Variants in BAZ2B observed in about 807,000 individuals in gnomAD.
BAZ2B encodes bromodomain adjacent to zinc finger domain 2B.
In BAZ2B, 91 loss-of-function variants were observed where a neutral mutation model predicts 246.0. The ratio of observed to expected loss-of-function variants is 0.37; its 90% confidence interval spans 0.31 to 0.44. The LOEUF is 0.44. BAZ2B is among the 20% of genes least tolerant of loss of function. The pLI is 1.00. For synonymous variants in BAZ2B, 855 were observed against 860.0 expected (o/e 0.99, Z 0.10); for missense variants, 2,332 against 2,533.7 (o/e 0.92, Z 1.71).
At chr2:159,541,259 CTTA>C (rs56310950) in intron 2 of BAZ2B, among the ~76,000 whole-genome samples, 22,444 of 148,144 alleles carry the variant, frequency 0.15, 1,905 homozygotes, top group African/African-American at 0.23. Flanking sequence ...AACAAAAGCC[CTTA>C]TTATTATTAT....
downstream of BAZ2B, among the ~76,000 whole-genome samples, chr2:159,318,391 A>G (rs2062330348): frequency 6.6e-6 from 1 of 152,362 alleles, no homozygotes; most frequent in East Asian, 1.9e-4. Context: ...CAATCTAGAG[A>G]TACTGAAAAT....
intron 3 of BAZ2B, among the ~76,000 whole-genome samples, chr2:159,477,106 C>T (rs150910808): frequency 5.3e-5 from 8 of 152,172 alleles, no homozygotes; most frequent in African/African-American, 1.9e-4. Flanking sequence ...GACATCAAGA[C>T]CATCCTGGCT....
Position 159,370,372 on chromosome 2 carries a change from T to C in BAZ2B, c.4213+2673A>G, listed in dbSNP as rs983600962. Among the ~76,000 whole-genome samples the C allele has an allele frequency of 1.7e-4, 24 of 138,198 alleles. No individual in the cohort carries two copies. The Admixed American group carries it at 1.8e-3, about 11-fold the overall frequency. The allele number at this position is 138,198 out of a possible 152,430, so 90.7% of individuals were successfully genotyped here. A position where few individuals can be genotyped will look rare whatever the true frequency, so the allele number is the denominator to read the frequency against. On this transcript the variant is annotated intron_variant, in intron 27 of 36. Coordinates refer to ENST00000392783, the MANE Select transcript of BAZ2B (RefSeq NM_013450.4). The stretch of plus-strand genomic sequence containing the variant: ...CTGCTCTTAAGTCTCCTAGGCACTG[T>C]ACTACCTTTTTTTTTTTTTTTTTTT...
At chr2:159,447,462 T>C (rs78707834) in intron 5 of BAZ2B, among the ~76,000 whole-genome samples, 2 of 152,154 alleles carry the variant, frequency 1.3e-5, no homozygotes, top group South Asian at 4.1e-4. Flanking sequence ...AAAAGAAAGA[T>C]AGTAAATCAT....
chr2:159,468,615 T>C (rs2077376402), intron 3 of BAZ2B, among the ~76,000 whole-genome samples: 2 of 152,190 alleles, frequency 1.3e-5, no homozygotes, highest in Non-Finnish European at 2.9e-5. Flanking sequence ...ATGTTTTTAC[T>C]GGAATGGTAA....
intron 2 of BAZ2B, among the ~76,000 whole-genome samples, chr2:159,506,132 G>A (rs1388001688): frequency 6.6e-6 from 1 of 152,084 alleles, no homozygotes; most frequent in Non-Finnish European, 1.5e-5. Context: ...ACTAGAGTAG[G>A]CATATGGAAA....
intron 25 of BAZ2B, among the ~76,000 whole-genome samples, chr2:159,375,412 A>G (rs2061319006): frequency 6.6e-6 from 1 of 152,240 alleles, no homozygotes; most frequent in African/African-American, 2.4e-5. Flanking sequence ...TGCATCCAGC[A>G]GAGAAAAGAG....
At chr2:159,545,615 G>A (rs2087224842) in intron 2 of BAZ2B, among the ~76,000 whole-genome samples, 2 of 152,088 alleles carry the variant, frequency 1.3e-5, no homozygotes, top group Non-Finnish European at 2.9e-5. Flanking sequence ...GCAAAGCCAA[G>A]TTTGTTGCAT....
At position 159,433,128 on chromosome 2, in the gene BAZ2B, G is replaced by A. The variant is rs765497601; in HGVS notation, c.1529C>T (p.Thr510Ile). The A allele has an allele frequency of 6.2e-7, 1 of 1,614,194 alleles. No homozygotes were observed. The highest frequency in any genetic ancestry group is 8.5e-7 in the Non-Finnish European group (1 of 1,180,020). Residue 510 changes from threonine (T) to isoleucine (I), a missense_variant, in exon 9 of 37, where the codon ACT becomes ATT. Coordinates refer to ENST00000392783, the MANE Select transcript of BAZ2B (RefSeq NM_013450.4). ...CTTGCTCTGCATTTTAGTTTTGGTA[G>A]TAAGTGCTAGAGGAGCTTCTTGAAT... The part of the protein sequence containing the change: ...SVIQEAPLAL[T>I]TKTKMQSKIN...
At chr2:159,346,421 C>A (rs1196972270) in intron 31 of BAZ2B, among the ~76,000 whole-genome samples, 5 of 152,150 alleles carry the variant, frequency 3.3e-5, no homozygotes, top group African/African-American at 1.2e-4. Flanking sequence ...TTAGCAGATT[C>A]TAGCCAGGCA....
chr2:159,698,382 A>C, the BAZ2B span, among the ~76,000 whole-genome samples: 1 of 151,948 alleles, frequency 6.6e-6, no homozygotes, highest in East Asian at 1.9e-4. Context: ...TTAGCTGGGC[A>C]TGGTAGCGTG....
intron 3 of BAZ2B, among the ~76,000 whole-genome samples, chr2:159,477,109 T>C (rs1211340207): frequency 6.6e-6 from 1 of 152,030 alleles, no homozygotes. Flanking sequence ...ATCAAGACCA[T>C]CCTGGCTAAC....
intron 3 of BAZ2B, among the ~76,000 whole-genome samples, chr2:159,467,711 C>T (rs1301527732): frequency 6.6e-6 from 1 of 151,468 alleles, no homozygotes; most frequent in East Asian, 1.9e-4. Context: ...GTGAGGTGGT[C>T]GTATAAATCC....
intron 2 of BAZ2B, among the ~76,000 whole-genome samples, chr2:159,519,072 C>A (rs956858896): frequency 6.6e-6 from 1 of 152,014 alleles, no homozygotes; most frequent in African/African-American, 2.4e-5. Flanking sequence ...AGAGTGATAA[C>A]ATAAGGAAAG....
At chr2:159,507,552 G>A (rs2082460517) in intron 2 of BAZ2B, among the ~76,000 whole-genome samples, 1 of 152,130 alleles carries the variant, frequency 6.6e-6, no homozygotes, top group Non-Finnish European at 1.5e-5. Context: ...TTTTGAATGT[G>A]TGTCTGCTTG....
intron 1 of BAZ2B, among the ~76,000 whole-genome samples, chr2:159,599,828 C>T (rs1235722982): frequency 1.3e-5 from 2 of 148,196 alleles, no homozygotes; most frequent in Non-Finnish European, 1.5e-5. Context: ...CCCAGCTACT[C>T]GGGAGGCTGA....
At chr2:159,462,084 C>A (rs1388150580) in intron 3 of BAZ2B, 7 of 254,034 alleles carry the variant, frequency 2.8e-5, no homozygotes, top group Non-Finnish European at 5.3e-5. Flanking sequence ...AGCAGCGCTT[C>A]ATGGCTAGGA....
At chr2:159,587,008 G>T (rs1688161601) in intron 1 of BAZ2B, among the ~76,000 whole-genome samples, 1 of 151,616 alleles carries the variant, frequency 6.6e-6, no homozygotes, top group African/African-American at 2.4e-5. Context: ...ACCTAATCAT[G>T]TCTCTTCCCC....
rs576323788 is a variant in BAZ2B, at chr2:159,408,465, G to A, written c.2678-3351C>T. Among the ~76,000 whole-genome samples the A allele has an allele frequency of 2.4e-4, 36 of 152,246 alleles. No individual in the cohort carries two copies. In the East Asian group the frequency reaches 5.8e-3, roughly 24 times the overall value. On this transcript the variant is annotated intron_variant, in intron 14 of 36. Coordinates refer to ENST00000392783, the MANE Select transcript of BAZ2B (RefSeq NM_013450.4). ...GGATTACACAGGTATAAGCCACTGT[G>A]TCTGGCCAGTAATTTAAAAAAATAT...
Sources: gnomAD v4.1 joint callset for allele counts (sites outside exome capture counted in the v4.1 genomes callset) on GRCh38, gnomAD v4.1.1 for gene constraint, MANE v1.5 for transcripts, NCBI Gene and HGNC (gene_info 2026-07-23, HGNC 2026-07-21) for gene names.